Variants in FILIP1L observed in about 807,000 individuals in gnomAD.
FILIP1L encodes filamin A interacting protein 1 like, also known as filamin A-interacting protein 1-like.
In FILIP1L, 55 loss-of-function variants were observed where a neutral mutation model predicts 96.6. That is an observed-to-expected ratio of 0.57 (90% CI 0.46 to 0.71). The LOEUF is 0.71. FILIP1L is among the 30% of genes least tolerant of loss of function. FILIP1L has a pLI of 0.00. For synonymous variants in FILIP1L, 467 were observed against 473.9 expected, an observed-to-expected ratio of 0.99 and a Z score of 0.19; for missense variants, 1,304 against 1,321.2, an observed-to-expected ratio of 0.99 and a Z score of 0.20.
chr3:99,927,981 A>C (rs887507222), intron 3 of FILIP1L, among the ~76,000 whole-genome samples: 2 of 152,234 alleles, frequency 1.3e-5, no homozygotes, highest in African/African-American at 4.8e-5. Context: ...AATCACCTCT[A>C]GTTTACCCTA....
rs986680311 is a variant in FILIP1L, at chr3:99,917,332, C to G, written c.605+6898G>C. 3.3e-5 allele frequency among the ~76,000 whole-genome samples: 5 copies of G among 152,264 alleles called. No homozygotes were observed. The South Asian group carries it at 1.0e-3, about 32-fold the overall frequency. ...TTATTTTGAGTGCCTTGTCTTTTCA[C>G]CTGTATTTTAGTTGTGTGTAAAATT... On this transcript the variant is annotated intron_variant, in intron 4 of 5. Coordinates refer to ENST00000477258, the MANE Select transcript of FILIP1L (RefSeq NM_001387850.1).
At position 100,056,518 on chromosome 3, in the gene FILIP1L, T is replaced by C. The variant is rs946972286; in HGVS notation, c.-11+57535A>G. Among the ~76,000 whole-genome samples, 124 of 152,198 alleles carry C rather than the reference T, an allele frequency of 8.1e-4. 1 individual carries two copies. Among genetic ancestry groups the C allele is most frequent in the Non-Finnish European group, 5.9e-5 (4 of 68,026 alleles). ...ATCTGCTCTTGTTGAGCTAGAGATATCATTAACATTTTAGCCTCCAGGTCA... is the reference window on the plus strand; with the variant it reads ...ATCTGCTCTTGTTGAGCTAGAGATACCATTAACATTTTAGCCTCCAGGTCA... On this transcript the variant is annotated intron_variant, in intron 1 of 5. Coordinates refer to ENST00000477258, the MANE Select transcript of FILIP1L (RefSeq NM_001387850.1).
chr3:99,926,482 A>G (rs1576577717), intron 3 of FILIP1L, among the ~76,000 whole-genome samples: 1 of 152,230 alleles, frequency 6.6e-6, no homozygotes, highest in Non-Finnish European at 1.5e-5. Context: ...ATTAGAGTCC[A>G]TTGTAAGGAA....
intron 1 of FILIP1L, among the ~76,000 whole-genome samples, chr3:99,980,913 C>A (rs1452166165): frequency 1.3e-5 from 2 of 152,070 alleles, no homozygotes; most frequent in Non-Finnish European, 2.9e-5. Flanking sequence ...TACTTGAAAC[C>A]CTTCAATACT....
chr3:100,037,975 G>T (rs1214338304), intron 1 of FILIP1L, among the ~76,000 whole-genome samples: 1 of 141,648 alleles, frequency 7.1e-6, no homozygotes, highest in East Asian at 2.1e-4. Context: ...AGGGAACAGA[G>T]TCTCAAATCT....
At chr3:99,912,083 G>T (rs777509466) in intron 4 of FILIP1L, among the ~76,000 whole-genome samples, 1 of 152,002 alleles carries the variant, frequency 6.6e-6, no homozygotes, top group Non-Finnish European at 1.5e-5. Flanking sequence ...ATCATCAATA[G>T]TTTTATATCT....
chr3:99,901,097 C>A (rs1316921670), intron 4 of FILIP1L, among the ~76,000 whole-genome samples: 1 of 152,200 alleles, frequency 6.6e-6, no homozygotes, highest in Non-Finnish European at 1.5e-5. Flanking sequence ...AAACTGTATA[C>A]AACATTCTTT....
intron 3 of FILIP1L, 92 bp from the exon 4 acceptor site, chr3:99,924,500 G>A (rs936256669): frequency 1.3e-5 from 17 of 1,303,860 alleles, no homozygotes; most frequent in Non-Finnish European, 1.8e-5. Context: ...TGATTAATTC[G>A]GCAGTGGGTT....
chr3:99,946,979 A>G (rs1305308564), intron 1 of FILIP1L, among the ~76,000 whole-genome samples: 1 of 152,076 alleles, frequency 6.6e-6, no homozygotes, highest in Non-Finnish European at 1.5e-5. Context: ...TACTAAAAAA[A>G]TACAAAAATT....
intron 1 of FILIP1L, among the ~76,000 whole-genome samples, chr3:100,075,916 A>G (rs541566132): frequency 6.3e-4 from 96 of 152,324 alleles, no homozygotes; most frequent in Non-Finnish European, 1.1e-3. Context: ...AGGAGAGCTG[A>G]GTTGGAGCCT....
chr3:99,976,248 A>T (rs1214026475), intron 1 of FILIP1L, among the ~76,000 whole-genome samples: 3 of 152,214 alleles, frequency 2.0e-5, no homozygotes, highest in Admixed American at 2.0e-4. Flanking sequence ...TGCTGCTATT[A>T]GTCTACTTGA....
At chr3:99,846,284 T>C (rs1943362540) in intron 5 of FILIP1L, among the ~76,000 whole-genome samples, 1 of 152,254 alleles carries the variant, frequency 6.6e-6, no homozygotes, top group Non-Finnish European at 1.5e-5. Flanking sequence ...TATGCCATTA[T>C]GTGACAAAGT....
intron 4 of FILIP1L, among the ~76,000 whole-genome samples, chr3:99,904,054 C>G (rs1023346218): frequency 2.6e-5 from 4 of 152,200 alleles, no homozygotes. Flanking sequence ...ACTCCTATTT[C>G]AGAATCTGAT....
At chr3:99,908,009 G>A (rs1275265178) in intron 4 of FILIP1L, among the ~76,000 whole-genome samples, 6 of 152,204 alleles carry the variant, frequency 3.9e-5, no homozygotes, top group Admixed American at 2.0e-4. Context: ...ACTGTGTATT[G>A]AATATTTGTA....
At chr3:99,859,957 C>T (rs1362514742) in intron 4 of FILIP1L, among the ~76,000 whole-genome samples, 2 of 152,208 alleles carry the variant, frequency 1.3e-5, no homozygotes, top group African/African-American at 2.4e-5. Context: ...ATTACAGCTA[C>T]AGCATACCAT....
At chr3:100,088,630 C>T (rs555447624) in intron 1 of FILIP1L, among the ~76,000 whole-genome samples, 2 of 151,590 alleles carry the variant, frequency 1.3e-5, no homozygotes, top group African/African-American at 2.4e-5. Context: ...CAAGTTCTTG[C>T]ACTTTCTCTC....
intron 5 of FILIP1L, 196 bp downstream of exon 5, chr3:99,848,099 C>G: frequency 7.1e-7 from 1 of 1,417,064 alleles, no homozygotes; most frequent in South Asian, 1.7e-5. Flanking sequence ...ACAGTAAGTG[C>G]ACACTCGATA....
At chr3:99,899,709 A>T (rs927035470) in intron 4 of FILIP1L, among the ~76,000 whole-genome samples, 1 of 152,172 alleles carries the variant, frequency 6.6e-6, no homozygotes, top group African/African-American at 2.4e-5. Context: ...TGATTCCATT[A>T]TGGTCCACCT....
intron 5 of FILIP1L, among the ~76,000 whole-genome samples, chr3:99,844,968 CT>C (rs1943296967): frequency 6.6e-6 from 1 of 152,164 alleles, no homozygotes; most frequent in Non-Finnish European, 1.5e-5. Context: ...TAAAACCTTT[CT>C]TCTTGATAAA....
Sources: gnomAD v4.1 joint callset for allele counts (sites outside exome capture counted in the v4.1 genomes callset) on GRCh38, gnomAD v4.1.1 for gene constraint, MANE v1.5 for transcripts, NCBI Gene and HGNC (gene_info 2026-07-23, HGNC 2026-07-21) for gene names.